The following SOD3 variants were observed in gnomAD, a reference collection of about 807,000 sequenced individuals.
SOD3 encodes the protein superoxide dismutase 3.
A neutral mutation model predicts 2.6 loss-of-function variants in SOD3; 3 were observed. That is an observed-to-expected ratio of 1.13 (90% CI 0.52 to 2.93). The LOEUF (loss-of-function observed/expected upper bound fraction) is 2.93. SOD3 is among the 30% of genes most tolerant of loss of function. The pLI is 0.04. For synonymous variants in SOD3, 188 were observed against 177.5 expected, an observed-to-expected ratio of 1.06 and a Z score of -0.47; for missense variants, 379 against 370.4, an observed-to-expected ratio of 1.02 and a Z score of -0.19.
At chr4:24,796,298 CAA>C (rs1267674094) in intron 1 of SOD3, among the ~76,000 whole-genome samples, 2 of 152,136 alleles carry the variant, frequency 1.3e-5, no homozygotes, top group African/African-American at 4.8e-5. Context: ...TCAAACTGAG[CAA>C]GAGGCTGTGG....
intron 1 of SOD3, among the ~76,000 whole-genome samples, chr4:24,799,200 A>C (rs1460760978): frequency 6.6e-6 from 1 of 152,150 alleles, no homozygotes; most frequent in Non-Finnish European, 1.5e-5. Context: ...GACACCCCTC[A>C]CGCTCCCTGA....
chr4:24,799,451 T>C, intron 1 of SOD3, 55 bp from the exon 2 acceptor site: 2 of 1,562,132 alleles, frequency 1.3e-6, no homozygotes, highest in Non-Finnish European at 8.6e-7. Context: ...TGAGATTCTA[T>C]GTTTCACGTG....
chr4:24,795,754 ATCT>A (rs748775333), intron 1 of SOD3, 103 bp downstream of exon 1: 4 of 152,360 alleles, frequency 2.6e-5, no homozygotes, highest in Non-Finnish European at 4.4e-5. Flanking sequence ...AAATTGGATC[ATCT>A]TCTTGGGAAG....
At chr4:24,797,486 T>C (rs1343252363) in intron 1 of SOD3, among the ~76,000 whole-genome samples, 1 of 152,230 alleles carries the variant, frequency 6.6e-6, no homozygotes, top group Non-Finnish European at 1.5e-5. Context: ...CGATAAGTTT[T>C]AGCAATTCTA....
At chr4:24,795,821 G>A (rs775029530) in intron 1 of SOD3, among the ~76,000 whole-genome samples, 170 bp downstream of exon 1, 2 of 152,180 alleles carry the variant, frequency 1.3e-5, no homozygotes, top group East Asian at 1.9e-4. Context: ...TGGAGTGAGC[G>A]GGGAGGAAGG....
rs58441391 is a variant in SOD3 at position 24,796,622 on chromosome 4, A to ATTTTT, written c.-17+985_-17+989dup. ...CAGGCACATGCCACCACACCCAGCT[A>ATTTTT]TTTTTTTTTTTTTTTTTTGCTAGAG... On this transcript the variant is annotated intron_variant, in intron 1 of 1. Transcript: ENST00000382120. Among the ~76,000 whole-genome samples the ATTTTT allele has an allele frequency of 8.2e-4, 103 of 126,138 alleles. 1 individual carries two copies. The highest frequency in any genetic ancestry group is 3.3e-3 in the African/African-American group (101 of 30,410). The allele number at this position is 126,138 out of a possible 152,430, so 82.8% of individuals were successfully genotyped here.
chr4:24,797,936 G>A (rs1349781910), intron 1 of SOD3, among the ~76,000 whole-genome samples: 2 of 152,116 alleles, frequency 1.3e-5, no homozygotes, highest in East Asian at 1.9e-4. Context: ...CAGTAACCCC[G>A]TGAAGTCACA....
At position 24,799,813 on chromosome 4, in the gene SOD3, GC is replaced by G; in HGVS notation, c.295del (p.Leu99TrpfsTer23). 6.3e-7 allele frequency: 1 copy of G among 1,597,472 alleles called. No homozygotes were observed. On this transcript the variant is annotated frameshift_variant, in exon 2 of 2. Coordinates refer to ENST00000382120, the MANE Select transcript of SOD3 (RefSeq NM_003102.4). LOFTEE classifies it high-confidence loss of function. ...APRAKLDAFFALEGFPTEPNS... is the reference protein window; with the variant it reads ...APRAKLDAFFXLEGFPTEPNS... Reference sequence around the variant, plus strand: ...CCGCGCCAAGCTCGACGCCTTCTTCGCCCTGGAGGGCTTCCCGACCGAGCCG... The same window carrying G: ...CCGCGCCAAGCTCGACGCCTTCTTCGCCTGGAGGGCTTCCCGACCGAGCCG...
intron 1 of SOD3, 30 bp from the exon 2 acceptor site, chr4:24,799,476 T>G: frequency 6.3e-7 from 1 of 1,588,908 alleles, no homozygotes; most frequent in Non-Finnish European, 8.5e-7. Context: ...AGCCTCACTC[T>G]GCCCCCACCT....
In SOD3 at chr4:24,800,258, C is replaced by T. The variant is rs1169232234; in HGVS notation, c.*14C>T. 2.2e-6 allele frequency: 3 copies of T among 1,382,432 alleles called. No individual in the cohort carries two copies. Among genetic ancestry groups the T allele is most frequent in the Non-Finnish European group, 9.3e-7 (1 of 1,071,886 alleles). 85.6% of individuals were successfully genotyped at this position (1,382,432 alleles called of 1,614,324 possible). A position where few individuals can be genotyped will look rare whatever the true frequency, so the allele number is the denominator to read the frequency against. ...AAGGCCGCCTGAGCGCGGCCCCCAC[C>T]CGGCGGCGGCCAGGGACCCCCGAGG... is the stretch of plus-strand genomic sequence containing the variant. On this transcript the variant is annotated 3_prime_UTR_variant, in exon 2 of 2. Coordinates refer to ENST00000382120, the MANE Select transcript of SOD3 (RefSeq NM_003102.4).
Position 24,799,737 on chromosome 4 carries a change from C to T in SOD3, c.216C>T (p.Asp72=). ...ACQVQPSATL[D]AAQPRVTGVV... ...AGGTGCAGCCGTCGGCCACGCTGGA[C>T]GCCGCGCAGCCCCGGGTGACCGGCG... is the stretch of plus-strand genomic sequence containing the variant. Residue 72 remains aspartate (D), a synonymous_variant, in exon 2 of 2, where the codon GAC becomes GAT. Transcript: ENST00000382120. The T allele has an allele frequency of 6.4e-7, 1 of 1,561,682 alleles. No homozygotes were observed. The highest frequency in any genetic ancestry group is 8.6e-7 in the Non-Finnish European group (1 of 1,159,284).
chr4:24,799,371 T>C, intron 1 of SOD3, 135 bp from the exon 2 acceptor site: 1 of 1,009,550 alleles, frequency 9.9e-7, no homozygotes, highest in Middle Eastern at 3.2e-4. Context: ...GTTTGCCACA[T>C]GAAGTCATGC....
intron 1 of SOD3, among the ~76,000 whole-genome samples, chr4:24,798,282 C>T (rs866438483): frequency 1.3e-5 from 2 of 152,142 alleles, no homozygotes; most frequent in Non-Finnish European, 2.9e-5. Context: ...CACCCGCCAG[C>T]GTCTCACCCT....
chr4:24,798,100 C>T (rs1205368781), intron 1 of SOD3, among the ~76,000 whole-genome samples: 1 of 152,014 alleles, frequency 6.6e-6, no homozygotes, highest in Non-Finnish European at 1.5e-5. Context: ...TTTCTTCTCT[C>T]CTTTCTTTCT....
chr4:24,796,435 C>CTTTT lies in SOD3; in HGVS notation c.-17+807_-17+810dup, dbSNP rs34368349. On this transcript the variant is annotated intron_variant, in intron 1 of 1. Coordinates refer to ENST00000382120, the MANE Select transcript of SOD3 (RefSeq NM_003102.4). ...TTTTCCTCCTCCTCCTCCTTCTTCT[C>CTTTT]TTTTTTTTTTTTTTTTTTTTTTTTT... 2.9e-3 allele frequency among the ~76,000 whole-genome samples: 212 copies of CTTTT among 71,976 alleles called. 36 individuals are homozygous for CTTTT. Among genetic ancestry groups the CTTTT allele is most frequent in the East Asian group, 8.5e-3 (15 of 1,768 alleles). The allele number at this position is 71,976 out of a possible 152,430, so 47.2% of individuals were successfully genotyped here.
intron 1 of SOD3, 61 bp downstream of exon 1, chr4:24,795,712 T>G (rs530403531): frequency 5.2e-5 from 8 of 152,408 alleles, no homozygotes; most frequent in Non-Finnish European, 1.2e-4. Context: ...AGTCTGAAGC[T>G]GGGTTGGGGC....
At position 24,800,691 on chromosome 4, in the gene SOD3, G is replaced by A; in HGVS notation, c.*447G>A. 1 of 71,374 alleles carries A rather than the reference G, an allele frequency of 1.4e-5. No individual in the cohort carries two copies. 4.4% of individuals were successfully genotyped at this position (71,374 alleles called of 1,614,324 possible). A position where few individuals can be genotyped will look rare whatever the true frequency, so the allele number is the denominator to read the frequency against. The stretch of plus-strand genomic sequence containing the variant: ...CCCCCACCCCTCCCCACCCACCACC[G>A]CTCCCGCGGGAAGCCAGCCCGTGCA... On this transcript the variant is annotated 3_prime_UTR_variant, in exon 2 of 2. Transcript: ENST00000382120.
intron 1 of SOD3, among the ~76,000 whole-genome samples, chr4:24,797,219 T>A (rs998762592): frequency 6.6e-6 from 1 of 152,220 alleles, no homozygotes; most frequent in Non-Finnish European, 1.5e-5. Context: ...GAACTTTCTA[T>A]GTACTGGGCT....
Position 24,795,608 on chromosome 4 carries a change from GCT to G in SOD3, c.-55_-54del, listed in dbSNP as rs1713632265. 2 of 152,366 alleles carry G rather than the reference GCT, an allele frequency of 1.3e-5. No homozygotes were observed. The highest frequency in any genetic ancestry group is 4.8e-5 in the African/African-American group (2 of 41,460). The allele number at this position is 152,366 out of a possible 1,614,324, so 9.4% of individuals were successfully genotyped here. ...TGCGTTCCTGGGCTGGCTGGGTGCA[GCT>G]CTCTTTTCAGGAGAGAAAGCTCTCT... On this transcript the variant is annotated 5_prime_UTR_variant, in exon 1 of 2. Transcript: ENST00000382120.
Sources: gnomAD v4.1 joint callset for allele counts (sites outside exome capture counted in the v4.1 genomes callset) on GRCh38, gnomAD v4.1.1 for gene constraint, MANE v1.5 for transcripts, NCBI Gene and HGNC (gene_info 2026-07-23, HGNC 2026-07-21) for gene names.